The following ARHGAP42 variants were observed in gnomAD, a reference collection of about 807,000 sequenced individuals.
ARHGAP42 encodes the protein rho GTPase-activating protein 42.
ARHGAP42 carries 63 observed loss-of-function variants against 125.0 expected under a neutral mutation model. The ratio of observed to expected loss-of-function variants is 0.50; its 90% CI spans 0.41 to 0.62. The LOEUF is 0.62. Ranked by LOEUF, ARHGAP42 falls within the 20% of genes least tolerant of loss-of-function variation. The pLI is 0.00. For missense variants in ARHGAP42, 766 were observed against 1,024.2 expected (o/e 0.75, Z 3.44); for synonymous variants, 339 against 351.0 (o/e 0.97, Z 0.38).
chr11:100,688,721 A>T (rs1486855932), intron 1 of ARHGAP42, among the ~76,000 whole-genome samples: 2 of 152,122 alleles, frequency 1.3e-5, no homozygotes, highest in African/African-American at 4.8e-5. Flanking sequence ...CTTTTAAAAA[A>T]TTTATTTTTA....
intron 2 of ARHGAP42, among the ~76,000 whole-genome samples, chr11:100,782,501 CA>C (rs1863338276): frequency 6.6e-6 from 1 of 151,716 alleles, no homozygotes; most frequent in Non-Finnish European, 1.5e-5. Flanking sequence ...AACTAATTGG[CA>C]AAAAAGTAAG....
chr11:100,741,296 G>C (rs1862180270), intron 1 of ARHGAP42, among the ~76,000 whole-genome samples: 1 of 152,176 alleles, frequency 6.6e-6, no homozygotes. Flanking sequence ...TTCCCAAAGT[G>C]CTGGGATTAC....
intron 2 of ARHGAP42, among the ~76,000 whole-genome samples, chr11:100,773,003 A>G (rs1863019101): frequency 6.6e-6 from 1 of 151,856 alleles, no homozygotes; most frequent in African/African-American, 2.4e-5. Flanking sequence ...TGCCCAGCTA[A>G]TTTTTGTATT....
At position 100,903,792 on chromosome 11, in the gene ARHGAP42, C is replaced by T. The variant is rs989226238; in HGVS notation, c.385-9660C>T. Among the ~76,000 whole-genome samples the T allele has an allele frequency of 4.7e-4, 66 of 139,758 alleles. 1 individual carries two copies. Among genetic ancestry groups the T allele is most frequent in the African/African-American group, 1.1e-3 (40 of 37,950 alleles). 91.7% of individuals were successfully genotyped at this position (139,758 alleles called of 152,430 possible). A position where few individuals can be genotyped will look rare whatever the true frequency, so the allele number is the denominator to read the frequency against. On this transcript the variant is annotated intron_variant, in intron 4 of 23. Transcript: ENST00000298815. ...AAAGTTTATTAAGTTTTAACTTACA[C>T]GATCACAAGGTCCCACAATAGGCTG...
chr11:100,703,253 A>AG (rs1314476805), intron 1 of ARHGAP42, among the ~76,000 whole-genome samples: 1 of 152,202 alleles, frequency 6.6e-6, no homozygotes, highest in Non-Finnish European at 1.5e-5. Context: ...GCCACTAACC[A>AG]GTATTATGGG....
chr11:100,951,009 C>T (rs1857635759), intron 12 of ARHGAP42, among the ~76,000 whole-genome samples: 1 of 151,924 alleles, frequency 6.6e-6, no homozygotes, highest in Admixed American at 6.6e-5. Context: ...AGCCACTGTG[C>T]CTGGCCAACC....
At chr11:100,841,380 C>T (rs1300687812) in intron 3 of ARHGAP42, among the ~76,000 whole-genome samples, 2 of 151,912 alleles carry the variant, frequency 1.3e-5, no homozygotes, top group Admixed American at 6.6e-5. Flanking sequence ...GCAGAACTTC[C>T]CCTCAACTCT....
At chr11:100,780,116 T>C (rs1388146509) in intron 2 of ARHGAP42, among the ~76,000 whole-genome samples, 6 of 152,084 alleles carry the variant, frequency 3.9e-5, no homozygotes, top group African/African-American at 1.4e-4. Flanking sequence ...TCTTTTTGCA[T>C]TTATTCAATA....
intron 8 of ARHGAP42, among the ~76,000 whole-genome samples, chr11:100,939,857 G>A (rs1189383184): frequency 6.6e-6 from 1 of 151,940 alleles, no homozygotes; most frequent in African/African-American, 2.4e-5. Flanking sequence ...AGATGGAGGC[G>A]GGAAAAAGGG....
At chr11:100,941,987 C>T in intron 9 of ARHGAP42, 103 bp downstream of exon 9, 1 of 875,236 alleles carries the variant, frequency 1.1e-6, no homozygotes, top group Non-Finnish European at 1.7e-6. Flanking sequence ...AACATGTACA[C>T]ATTTACAAAA....
chr11:100,743,644 ATT>A (rs1436976466), intron 1 of ARHGAP42, among the ~76,000 whole-genome samples: 3 of 152,120 alleles, frequency 2.0e-5, no homozygotes, highest in African/African-American at 7.2e-5. Flanking sequence ...TTCCTCAATT[ATT>A]CCTTTAAATA....
At chr11:100,828,427 G>A (rs1252517372) in intron 3 of ARHGAP42, among the ~76,000 whole-genome samples, 1 of 152,156 alleles carries the variant, frequency 6.6e-6, no homozygotes, top group Admixed American at 6.5e-5. Flanking sequence ...GAGCTTGTTT[G>A]TTCAAGGAAA....
intron 1 of ARHGAP42, among the ~76,000 whole-genome samples, chr11:100,735,708 A>AAG (rs1042302461): frequency 2.8e-5 from 4 of 143,244 alleles, no homozygotes; most frequent in African/African-American, 1.0e-4. Context: ...TCCTGGGTTC[A>AAG]AGCGAGTCTC....
At chr11:100,777,986 C>T (rs894973925) in intron 2 of ARHGAP42, among the ~76,000 whole-genome samples, 4 of 152,014 alleles carry the variant, frequency 2.6e-5, no homozygotes, top group African/African-American at 7.2e-5. Flanking sequence ...AGTCCCAGAC[C>T]ATCCTGGATG....
chr11:100,930,556 C>T (rs560665548), intron 6 of ARHGAP42, among the ~76,000 whole-genome samples: 2 of 152,228 alleles, frequency 1.3e-5, no homozygotes, highest in South Asian at 4.1e-4. Context: ...TATTTGTCTG[C>T]TACTAAGTGA....
At chr11:100,972,494 T>C (rs1858274066) in intron 17 of ARHGAP42, among the ~76,000 whole-genome samples, 1 of 150,944 alleles carries the variant, frequency 6.6e-6, no homozygotes, top group Admixed American at 6.6e-5. Context: ...CACCCAATAC[T>C]AGGGAGGTAC....
At chr11:100,987,457 T>A in intron 22 of ARHGAP42, 56 bp from the exon 23 acceptor site, 1 of 1,368,244 alleles carries the variant, frequency 7.3e-7, no homozygotes, top group Non-Finnish European at 1.0e-6. Context: ...GAGTTTTAAA[T>A]ATAGATGTCC....
chr11:100,750,985 C>T (rs1298434055), intron 1 of ARHGAP42, among the ~76,000 whole-genome samples: 2 of 144,314 alleles, frequency 1.4e-5, no homozygotes, highest in African/African-American at 5.2e-5. Flanking sequence ...GTCACCCAGG[C>T]TGGAGTGCAA....
Position 100,965,879 on chromosome 11 carries a change from T to A in ARHGAP42, c.1550+103T>A, listed in dbSNP as rs1177560399. On this transcript the variant is annotated intron_variant, in intron 17 of 23. Coordinates refer to ENST00000298815, the MANE Select transcript of ARHGAP42 (RefSeq NM_152432.4). ...TGATGTTATAACATTGGTATTATAA[T>A]TAGAGTCCATTGAATTTGCTTAAAA... 4 of 1,030,834 alleles carry A rather than the reference T, an allele frequency of 3.9e-6. No individual in the cohort carries two copies. In the African/African-American group the frequency reaches 6.5e-5, roughly 17 times the overall value. The allele number at this position is 1,030,834 out of a possible 1,614,324, so 63.9% of individuals were successfully genotyped here. A position where few individuals can be genotyped will look rare whatever the true frequency, so the allele number is the denominator to read the frequency against.
Sources: gnomAD v4.1 joint callset for allele counts (sites outside exome capture counted in the v4.1 genomes callset) on GRCh38, gnomAD v4.1.1 for gene constraint, MANE v1.5 for transcripts, NCBI Gene and HGNC (gene_info 2026-07-23, HGNC 2026-07-21) for gene names.